Variants in ACTB observed in about 807,000 individuals in gnomAD.
The protein encoded by ACTB is actin beta.
Under a neutral mutation model 30.5 loss-of-function variants are expected in ACTB, and 2 were observed. The ratio of observed to expected loss-of-function variants is 0.07; its 90% CI spans 0.03 to 0.21. The LOEUF (loss-of-function observed/expected upper bound fraction) is 0.21, where lower values mean the gene tolerates loss of function less well. Ranked by LOEUF, ACTB falls within the 10% of genes least tolerant of loss-of-function variation. The pLI, the probability that ACTB is intolerant of heterozygous loss-of-function variation, is 1.00. For missense variants in ACTB, 56 were observed against 530.0 expected (o/e 0.11, Z 8.78); for synonymous variants, 335 against 217.6 (o/e 1.54, Z -4.75).
chr7:5,527,930 G>T (rs372296865), intron 5 of ACTB, 39 bp from the exon 6 acceptor site: 14 of 1,613,062 alleles, frequency 8.7e-6, no homozygotes, highest in Non-Finnish European at 8.5e-6. Flanking sequence ...GACCCTGGAT[G>T]TGACAGCTCC....
chr7:5,530,509 G>C lies in ACTB; in HGVS notation c.-7+15C>G, dbSNP rs1057522749. 6.6e-6 allele frequency: 1 copy of C among 151,628 alleles called. No homozygotes were observed. The highest frequency in any genetic ancestry group is 1.9e-4 in the East Asian group (1 of 5,132). The allele number at this position is 151,628 out of a possible 1,614,324, so 9.4% of individuals were successfully genotyped here. On this transcript the variant is annotated intron_variant, in intron 1 of 5. Coordinates refer to ENST00000646664, the MANE Select transcript of ACTB (RefSeq NM_001101.5). ...GGCCGTGAGCCGCCTGCCCCGGTCG[G>C]CTGGCCGGGCTTACCTGGCGGCGGG...
chr7:5,530,287 G>C (rs13225335), intron 1 of ACTB, among the ~76,000 whole-genome samples: 1 of 151,932 alleles, frequency 6.6e-6, no homozygotes, highest in African/African-American at 2.4e-5. Flanking sequence ...CCCCCGCCCC[G>C]AGAGCGGCAC....
At chr7:5,530,000 C>A (rs1047246122) in intron 1 of ACTB, 1 of 172,724 alleles carries the variant, frequency 5.8e-6, no homozygotes, top group Middle Eastern at 2.6e-3. Context: ...CGCCCGGGAG[C>A]CGCGGCGACC....
intron 3 of ACTB, 186 bp from the exon 4 acceptor site, chr7:5,528,905 T>C (rs1784821473): frequency 6.9e-7 from 1 of 1,445,076 alleles, no homozygotes. Flanking sequence ...ACCAGCCTCA[T>C]GGCCTTGTCA....
intron 4 of ACTB, 48 bp from the exon 5 acceptor site, chr7:5,528,233 A>AGGG (rs765395832): frequency 6.2e-7 from 1 of 1,613,614 alleles, no homozygotes; most frequent in Non-Finnish European, 8.5e-7. Context: ...CACAGCCCCG[A>AGGG]GGGGTAACCC....
At chr7:5,529,107 C>T (rs750196776) in intron 3 of ACTB, 54 bp downstream of exon 3, 5 of 1,613,542 alleles carry the variant, frequency 3.1e-6, no homozygotes, top group East Asian at 2.2e-5. Flanking sequence ...GGCGCAGCTC[C>T]GGGAGGCCAG....
rs779757174 is a variant in ACTB, at chr7:5,527,992, A to G, written c.984+12T>C. The G allele has an allele frequency of 1.9e-6, 3 of 1,613,260 alleles. No homozygotes were observed. Among genetic ancestry groups the G allele is most frequent in the Non-Finnish European group, 2.5e-6 (3 of 1,179,176 alleles). ...ACCTGCCCAGGTCAGCTCAGGCAGG[A>G]AAGACACCCACCTTGATCTTCATTG... is the stretch of plus-strand genomic sequence containing the variant. On this transcript the variant is annotated intron_variant, in intron 5 of 5. Transcript: ENST00000646664.
At position 5,529,257 on chromosome 7, in the gene ACTB, G is replaced by A. The variant is rs760279394; in HGVS notation, c.267C>T (p.Thr89=). The A allele has an allele frequency of 2.2e-5, 35 of 1,613,936 alleles. No homozygotes were observed. The highest frequency in any genetic ancestry group is 1.9e-4 in the South Asian group (17 of 91,092). The change falls in exon 3 of 6, where the codon ACC becomes ACT. Residue 89 remains threonine, a synonymous_variant. Coordinates refer to ENST00000646664, the MANE Select transcript of ACTB (RefSeq NM_001101.5). ...GAGCCACACGCAGCTCATTGTAGAA[G>A]GTGTGGTGCCAGATTTTCTCCATGT... is the stretch of plus-strand genomic sequence containing the variant. ...WDDMEKIWHH[T]FYNELRVAPE...
chr7:5,529,489 C>A, intron 2 of ACTB, 46 bp downstream of exon 2: 1 of 1,612,472 alleles, frequency 6.2e-7, no homozygotes, highest in Non-Finnish European at 8.5e-7. Flanking sequence ...AGCGCCCTTG[C>A]CTCCCGCCCG....
intron 5 of ACTB, 23 bp downstream of exon 5, chr7:5,527,981 G>A (rs1562718787): frequency 2.2e-5 from 36 of 1,613,210 alleles, no homozygotes; most frequent in Non-Finnish European, 2.8e-5. Flanking sequence ...GCCCAGGTCA[G>A]CTCAGGCAGG....
At chr7:5,530,246 A>C (rs1784863305) in intron 1 of ACTB, among the ~76,000 whole-genome samples, 2 of 151,848 alleles carry the variant, frequency 1.3e-5, no homozygotes, top group Non-Finnish European at 2.9e-5. Context: ...CATTGGCAAG[A>C]GCCCGGCTCA....
At chr7:5,529,929 G>A in intron 1 of ACTB, 2 of 388,372 alleles carry the variant, frequency 5.1e-6, no homozygotes, top group Non-Finnish European at 9.3e-6. Flanking sequence ...GGGTCGGCGC[G>A]CGCGCACGCA....
At position 5,527,796 on chromosome 7, in the gene ACTB, C is replaced by T; in HGVS notation, c.1080G>A (p.Gln360=). ...TGGAGGGGCCGGACTCGTCATACTC[C>T]TGCTTGCTGATCCACATCTGCTGGA... ...STFQQMWISK[Q]EYDESGPSIV... The change falls in exon 6 of 6, where the codon CAG becomes CAA. Residue 360 remains glutamine (Q), a synonymous_variant. Coordinates refer to ENST00000646664, the MANE Select transcript of ACTB (RefSeq NM_001101.5). 1 of 1,614,116 alleles carries T rather than the reference C, an allele frequency of 6.2e-7. No homozygotes were observed. Among genetic ancestry groups the T allele is most frequent in the Non-Finnish European group, 8.5e-7 (1 of 1,180,006 alleles).
chr7:5,530,212 C>T (rs2302484), intron 1 of ACTB, among the ~76,000 whole-genome samples: 2 of 151,806 alleles, frequency 1.3e-5, no homozygotes, highest in Admixed American at 6.6e-5. Flanking sequence ...GGCGGGGGCT[C>T]CGCCGCGCCC....
chr7:5,529,508 GC>G, intron 2 of ACTB, 26 bp downstream of exon 2: 1 of 1,611,840 alleles, frequency 6.2e-7, no homozygotes, highest in Non-Finnish European at 8.5e-7. Flanking sequence ...CGCTCCCGGG[GC>G]TGCCCCACCC....
At chr7:5,530,121 C>G (rs994772809) in intron 1 of ACTB, 2 of 152,578 alleles carry the variant, frequency 1.3e-5, no homozygotes, top group African/African-American at 4.8e-5. Context: ...GCGCAATTAG[C>G]GCCAATTCCC....
chr7:5,529,880 C>CG, intron 1 of ACTB: 1 of 741,958 alleles, frequency 1.3e-6, no homozygotes, highest in South Asian at 1.5e-5. Context: ...CCCTCCCAAC[C>CG]GGGCGCCAGC....
chr7:5,528,706 G>A lies in ACTB; in HGVS notation c.377C>T (p.Thr126Ile). The A allele has an allele frequency of 6.2e-7, 1 of 1,613,718 alleles. No individual in the cohort carries two copies. Among genetic ancestry groups the A allele is most frequent in the Non-Finnish European group, 8.5e-7 (1 of 1,180,020 alleles). ...AACGTACATGGCTGGGGTGTTGAAG[G>A]TCTCAAACATGATCTGTAAGGCAGA... ...REKMTQIMFE[T>I]FNTPAMYVAI... The change falls in exon 4 of 6, where the codon ACC becomes ATC. Residue 126 changes from threonine to isoleucine, a missense_variant. Transcript: ENST00000646664.
At position 5,527,336 on chromosome 7, in the gene ACTB, C is replaced by A. The variant is rs544796945; in HGVS notation, c.*412G>T. On this transcript the variant is annotated 3_prime_UTR_variant, in exon 6 of 6. Coordinates refer to ENST00000646664, the MANE Select transcript of ACTB (RefSeq NM_001101.5). ...AAAACAAAATAAAAAAGTATTAAGG[C>A]GAAGATTAAAAAAATTTTGCATTAC... 6.0e-4 allele frequency: 158 copies of A among 264,814 alleles called. No individual in the cohort carries two copies. The highest frequency in any genetic ancestry group is 3.2e-3 in the African/African-American group (137 of 43,248). The allele number at this position is 264,814 out of a possible 1,614,324, so 16.4% of individuals were successfully genotyped here.
Sources: allele counts gnomAD v4.1 joint callset (sites outside exome capture counted in the v4.1 genomes callset), GRCh38; gene constraint gnomAD v4.1.1; transcripts MANE v1.5; gene names NCBI Gene and HGNC (gene_info 2026-07-23, HGNC 2026-07-21).